TRAPPC8: variants seen among roughly 807,000 people sequenced by gnomAD.
TRAPPC8 encodes the protein trafficking protein particle complex subunit 8, also known as general sporulation gene 1 homolog.
In TRAPPC8, 54 loss-of-function variants were observed where a neutral mutation model predicts 174.3. The ratio of observed to expected loss-of-function variants is 0.31; its 90% CI spans 0.25 to 0.39. The LOEUF (loss-of-function observed/expected upper bound fraction) is 0.39, where lower values mean the gene tolerates loss of function less well. Ranked by LOEUF, TRAPPC8 falls within the 10% of genes least tolerant of loss-of-function variation. The pLI, the probability that TRAPPC8 is intolerant of heterozygous loss-of-function variation, is 1.00. For missense variants in TRAPPC8, 1,531 were observed against 1,699.1 expected, an observed-to-expected ratio of 0.90 and a Z score of 1.74; for synonymous variants, 630 against 579.9, an observed-to-expected ratio of 1.09 and a Z score of -1.24.
At chr18:31,887,762 C>A (rs948758035) in intron 12 of TRAPPC8, among the ~76,000 whole-genome samples, 14 of 149,664 alleles carry the variant, frequency 9.4e-5, no homozygotes, top group African/African-American at 3.6e-4. Flanking sequence ...GACAAGGATG[C>A]CCTCTCTCAT....
intron 19 of TRAPPC8, among the ~76,000 whole-genome samples, chr18:31,859,115 C>CA (rs986150038): frequency 7.4e-6 from 1 of 134,752 alleles, no homozygotes; most frequent in Admixed American, 7.2e-5. Flanking sequence ...AACAAACAAA[C>CA]AAAAAAACAG....
chr18:31,904,423 C>T (rs1438870036), intron 9 of TRAPPC8, among the ~76,000 whole-genome samples: 1 of 152,010 alleles, frequency 6.6e-6, no homozygotes, highest in Non-Finnish European at 1.5e-5. Flanking sequence ...GTGGTACATG[C>T]CTGTAATGTC....
At chr18:31,865,392 T>C (rs2034537529) in intron 18 of TRAPPC8, among the ~76,000 whole-genome samples, 1 of 152,046 alleles carries the variant, frequency 6.6e-6, no homozygotes, top group Non-Finnish European at 1.5e-5. Flanking sequence ...TACAACTATC[T>C]TTCTTGCAGG....
In TRAPPC8 at chr18:31,857,771, G is replaced by A. The variant is rs2034105121; in HGVS notation, c.2957C>T (p.Thr986Ile). 6.2e-7 allele frequency: 1 copy of A among 1,614,052 alleles called. No individual in the cohort carries two copies. The highest frequency in any genetic ancestry group is 1.7e-5 in the Admixed American group (1 of 59,996). The change falls in exon 20 of 29, where the codon ACA becomes ATA. Residue 986 changes from threonine to isoleucine, a missense_variant. Thr to Ile is a moderately conservative substitution (Grantham distance 89). Transcript: ENST00000283351. ...ENCSAYKTVV[T>I]DATSVCTALI... ...TGCTGTACACACAGAGGTAGCATCT[G>A]TCACAACAGTCTTGTAAGCACTACA...
chr18:31,936,075 C>T (rs2038084714), intron 1 of TRAPPC8, among the ~76,000 whole-genome samples: 1 of 151,668 alleles, frequency 6.6e-6, no homozygotes, highest in Non-Finnish European at 1.5e-5. Flanking sequence ...TTTTAATTAG[C>T]TGGGTGTGAT....
chr18:31,901,888 C>T (rs1315468548), intron 9 of TRAPPC8, among the ~76,000 whole-genome samples: 2 of 152,130 alleles, frequency 1.3e-5, no homozygotes, highest in African/African-American at 2.4e-5. Context: ...TTTGGTCAGG[C>T]CTAGTGGTTA....
In TRAPPC8 at chr18:31,852,666, AG is replaced by A. The variant is rs2033774785; in HGVS notation, c.3434-4del. ...CTCCCTACTGGCAAGTTTGGTATCT[AG>A]GAAGAAAAAGGGAAATTTCAAAGAT... On this transcript the variant is annotated splice_region_variant and splice_polypyrimidine_tract_variant and intron_variant, in intron 22 of 28. Transcript: ENST00000283351. 8 of 1,611,788 alleles carry A rather than the reference AG, an allele frequency of 5.0e-6. No individual in the cohort carries two copies. Among genetic ancestry groups the A allele is most frequent in the Non-Finnish European group, 6.8e-6 (8 of 1,178,506 alleles).
intron 12 of TRAPPC8, among the ~76,000 whole-genome samples, chr18:31,884,979 G>A (rs201404304): frequency 4.0e-5 from 6 of 150,872 alleles, no homozygotes; most frequent in East Asian, 2.0e-4. Context: ...TCAGCCTCCC[G>A]AGTAGCTGGG....
At chr18:31,835,943 G>A (rs565124617) in intron 27 of TRAPPC8, among the ~76,000 whole-genome samples, 25 of 152,260 alleles carry the variant, frequency 1.6e-4, no homozygotes, top group Admixed American at 1.4e-3. Flanking sequence ...TGGCACAGAC[G>A]GGAACCCAAG....
At chr18:31,868,858 A>G (rs1351897952) in intron 16 of TRAPPC8, among the ~76,000 whole-genome samples, 1 of 152,010 alleles carries the variant, frequency 6.6e-6, no homozygotes, top group Non-Finnish European at 1.5e-5. Flanking sequence ...GTGTACCACC[A>G]CATCTGGCTA....
Position 31,943,077 on chromosome 18 carries a change from G to T in TRAPPC8, c.-313C>A, listed in dbSNP as rs1024691131. 4.6e-6 allele frequency: 2 copies of T among 438,702 alleles called. No individual in the cohort carries two copies. Among genetic ancestry groups the T allele is most frequent in the Non-Finnish European group, 7.6e-6 (2 of 261,566 alleles). The allele number at this position is 438,702 out of a possible 1,614,324, so 27.2% of individuals were successfully genotyped here. On this transcript the variant is annotated 5_prime_UTR_variant, in exon 1 of 29. Coordinates refer to ENST00000283351, the MANE Select transcript of TRAPPC8 (RefSeq NM_014939.5). ...GACGGCAAAACCTTGGTCACTGCCC[G>T]GCCGGAACCGCCATGTTGAGGCCGA...
At chr18:31,889,023 C>G (rs531590549) in intron 12 of TRAPPC8, among the ~76,000 whole-genome samples, 7 of 151,988 alleles carry the variant, frequency 4.6e-5, no homozygotes, top group Non-Finnish European at 1.0e-4. Flanking sequence ...AGAGACTGTT[C>G]TTGATGAACT....
intron 2 of TRAPPC8, among the ~76,000 whole-genome samples, chr18:31,922,952 G>C (rs1401841182): frequency 6.6e-6 from 1 of 152,178 alleles, no homozygotes; most frequent in Non-Finnish European, 1.5e-5. Context: ...AGGAGGCAGA[G>C]GTTGCAGTAA....
At chr18:31,927,002 T>C (rs2037644213) in intron 2 of TRAPPC8, among the ~76,000 whole-genome samples, 1 of 152,182 alleles carries the variant, frequency 6.6e-6, no homozygotes, top group Non-Finnish European at 1.5e-5. Flanking sequence ...ACATAATCAA[T>C]ACCCGAGGAA....
chr18:31,849,493 T>C (rs1437078833), intron 25 of TRAPPC8, 73 bp downstream of exon 25: 9 of 1,229,330 alleles, frequency 7.3e-6, no homozygotes, highest in African/African-American at 3.1e-5. Flanking sequence ...TAAATAGTAA[T>C]ATACGTTTGT....
intron 26 of TRAPPC8, among the ~76,000 whole-genome samples, chr18:31,840,445 T>A (rs943210398): frequency 1.3e-5 from 2 of 152,084 alleles, no homozygotes; most frequent in Admixed American, 1.3e-4. Context: ...TAGAGAAACA[T>A]CCCATTTCTA....
Position 31,908,759 on chromosome 18 carries a change from C to G in TRAPPC8, c.1117G>C (p.Asp373His), listed in dbSNP as rs201442013. The G allele has an allele frequency of 2.9e-5, 46 of 1,585,984 alleles. No homozygotes were observed. The highest frequency in any genetic ancestry group is 3.9e-5 in the Non-Finnish European group (45 of 1,162,762). ...HIEKTIRQLNDQLISRKGLSR... is the reference protein window; with the variant it reads ...HIEKTIRQLNHQLISRKGLSR... ...TCCAAAAAATCAAACCTTACCTGAT[C>G]GTTTAATTGCCTAATTGTTTTCTCT... The change falls in exon 7 of 29, where the codon GAT (aspartate) becomes CAT (histidine). Residue 373 changes from aspartate (D) to histidine (H), a missense_variant. Transcript: ENST00000283351.
intron 2 of TRAPPC8, among the ~76,000 whole-genome samples, chr18:31,922,573 G>A (rs564748368): frequency 2.5e-4 from 38 of 151,912 alleles, no homozygotes; most frequent in African/African-American, 7.5e-4. Flanking sequence ...CCTGGGCAGC[G>A]ACAGAGCAAG....
intron 4 of TRAPPC8, among the ~76,000 whole-genome samples, chr18:31,915,137 A>C (rs1276824838): frequency 2.0e-5 from 3 of 152,224 alleles, no homozygotes; most frequent in Non-Finnish European, 4.4e-5. Flanking sequence ...ACTGTATAAC[A>C]ATTATACATT....
Sources: gnomAD v4.1 joint callset for allele counts (sites outside exome capture counted in the v4.1 genomes callset) on GRCh38, gnomAD v4.1.1 for gene constraint, MANE v1.5 for transcripts, NCBI Gene and HGNC (gene_info 2026-07-23, HGNC 2026-07-21) for gene names.